FHOD3: variants seen among roughly 807,000 people sequenced by gnomAD.
FHOD3 encodes formin homology 2 domain containing 3, also known as FH1/FH2 domain-containing protein 3.
FHOD3 carries 90 observed loss-of-function variants against 173.0 expected under a neutral mutation model. That is an observed-to-expected ratio of 0.52 (90% CI 0.44 to 0.62). The LOEUF (loss-of-function observed/expected upper bound fraction) is 0.62. Ranked by LOEUF, FHOD3 falls within the 20% of genes least tolerant of loss-of-function variation. The probability of loss-of-function intolerance (pLI) is 0.00; values close to 1 mark genes in which losing one functional copy is unlikely to be tolerated. For synonymous variants in FHOD3, 828 were observed against 823.0 expected (o/e 1.01, Z -0.10); for missense variants, 1,945 against 2,034.7 (o/e 0.96, Z 0.85).
intron 9 of FHOD3, 54 bp downstream of exon 9, chr18:36,612,149 G>T: frequency 6.4e-7 from 1 of 1,574,608 alleles, no homozygotes; most frequent in Non-Finnish European, 8.6e-7. Flanking sequence ...ATTGTCAAAG[G>T]CTGAGATGGC....
chr18:36,532,982 G>A (rs1384077666), intron 5 of FHOD3, among the ~76,000 whole-genome samples: 1 of 152,208 alleles, frequency 6.6e-6, no homozygotes, highest in East Asian at 1.9e-4. Context: ...TGGGTGGCCT[G>A]CCTGCCTGGG....
intron 3 of FHOD3, among the ~76,000 whole-genome samples, chr18:36,451,358 G>A (rs185300187): frequency 2.0e-5 from 3 of 152,314 alleles, no homozygotes; most frequent in East Asian, 3.9e-4. Context: ...ATAGCCTTAC[G>A]AAGCCAGTAC....
intron 15 of FHOD3, among the ~76,000 whole-genome samples, chr18:36,681,818 C>T (rs1275055531): frequency 6.6e-6 from 1 of 152,110 alleles, no homozygotes; most frequent in Non-Finnish European, 1.5e-5. Context: ...CTTGGGCCCT[C>T]CATTACCTAC....
At chr18:36,730,619 C>G in intron 19 of FHOD3, 27 bp from the exon 20 acceptor site, 1 of 1,605,820 alleles carries the variant, frequency 6.2e-7, no homozygotes, top group Non-Finnish European at 8.5e-7. Context: ...ATGCATTAAT[C>G]TTGGATTCTC....
chr18:36,374,899 A>G (rs1399627661), intron 3 of FHOD3, among the ~76,000 whole-genome samples: 1 of 152,190 alleles, frequency 6.6e-6, no homozygotes, highest in East Asian at 1.9e-4. Flanking sequence ...AGCTTTTACC[A>G]TTAATTGCCT....
In FHOD3 at chr18:36,483,389, T is replaced by C. The variant is rs188292946; in HGVS notation, c.338-18543T>C. On this transcript the variant is annotated intron_variant, in intron 3 of 28. Transcript: ENST00000590592. ...CACTCAGCACAGCCAACCACTGTCC[T>C]GGAACCAAGGAGGGAAAGGAGAAGA... Among the ~76,000 whole-genome samples, 205 of 152,274 alleles carry C rather than the reference T, an allele frequency of 1.3e-3. 3 individuals carry two copies. The highest frequency in any genetic ancestry group is 0.01 in the Admixed American group (153 of 15,298).
intron 14 of FHOD3, among the ~76,000 whole-genome samples, chr18:36,673,655 C>T (rs2037673880): frequency 6.6e-6 from 1 of 152,132 alleles, no homozygotes; most frequent in Middle Eastern, 3.4e-3. Flanking sequence ...AGGGGTTCCT[C>T]GATCTGTCCT....
At chr18:36,474,683 G>A (rs1389388851) in intron 3 of FHOD3, among the ~76,000 whole-genome samples, 1 of 152,136 alleles carries the variant, frequency 6.6e-6, no homozygotes, top group African/African-American at 2.4e-5. Context: ...AACATGGGTG[G>A]CTAGGGTCTG....
At chr18:36,665,604 G>A (rs932965238) in intron 14 of FHOD3, among the ~76,000 whole-genome samples, 1 of 151,436 alleles carries the variant, frequency 6.6e-6, no homozygotes, top group Admixed American at 6.6e-5. Context: ...AGGTTAAGAG[G>A]GGGATAAGAA....
At chr18:36,552,106 A>G (rs907997395) in intron 5 of FHOD3, among the ~76,000 whole-genome samples, 1 of 152,176 alleles carries the variant, frequency 6.6e-6, no homozygotes, top group Admixed American at 6.5e-5. Context: ...CATTTTCACA[A>G]TATTGATTCT....
chr18:36,476,502 T>C (rs1437152804), intron 3 of FHOD3, among the ~76,000 whole-genome samples: 1 of 152,112 alleles, frequency 6.6e-6, no homozygotes, highest in African/African-American at 2.4e-5. Context: ...AGGCATCCCA[T>C]CACCCTAAGA....
intron 1 of FHOD3, among the ~76,000 whole-genome samples, chr18:36,328,087 C>T (rs1180807830): frequency 2.0e-5 from 3 of 152,146 alleles, no homozygotes; most frequent in African/African-American, 7.2e-5. Context: ...AAAGTTGCAC[C>T]CTCTACTAAT....
chr18:36,355,337 T>TA (rs933333533), intron 1 of FHOD3, among the ~76,000 whole-genome samples: 1 of 152,192 alleles, frequency 6.6e-6, no homozygotes, highest in East Asian at 1.9e-4. Flanking sequence ...GTCACTCTGT[T>TA]AAGAGATGCC....
chr18:36,742,647 C>T (rs1414763928), intron 21 of FHOD3, 90 bp from the exon 22 acceptor site: 5 of 1,377,518 alleles, frequency 3.6e-6, no homozygotes, highest in South Asian at 1.3e-5. Flanking sequence ...GGGAGAACAC[C>T]GTGTGTTATT....
At chr18:36,428,169 C>A (rs2147196083) in intron 3 of FHOD3, among the ~76,000 whole-genome samples, 1 of 152,176 alleles carries the variant, frequency 6.6e-6, no homozygotes, top group African/African-American at 2.4e-5. Context: ...GCCTCTAAGG[C>A]ATGTATTATG....
chr18:36,546,643 G>A (rs185057707), intron 5 of FHOD3, among the ~76,000 whole-genome samples: 16 of 152,246 alleles, frequency 1.1e-4, no homozygotes, highest in Non-Finnish European at 2.1e-4. Flanking sequence ...TTTGTCTGTC[G>A]CAAGATGAGG....
intron 3 of FHOD3, among the ~76,000 whole-genome samples, chr18:36,469,754 C>T (rs552046166): frequency 1.4e-5 from 2 of 147,072 alleles, no homozygotes; most frequent in South Asian, 2.3e-4. Context: ...GATTTAAGGG[C>T]GTTCAAAGTT....
chr18:36,421,897 A>C (rs1411869494), intron 3 of FHOD3, among the ~76,000 whole-genome samples: 1 of 152,192 alleles, frequency 6.6e-6, no homozygotes, highest in Non-Finnish European at 1.5e-5. Context: ...TAGCACCCCA[A>C]AGCCCTCTCT....
intron 17 of FHOD3, among the ~76,000 whole-genome samples, chr18:36,694,547 T>G (rs1419802976): frequency 1.3e-5 from 2 of 152,242 alleles, no homozygotes; most frequent in African/African-American, 2.4e-5. Context: ...GAAAAGAGAC[T>G]GTTCTATAAC....
Sources: allele counts gnomAD v4.1 joint callset (sites outside exome capture counted in the v4.1 genomes callset), GRCh38; gene constraint gnomAD v4.1.1; transcripts MANE v1.5; gene names NCBI Gene and HGNC (gene_info 2026-07-23, HGNC 2026-07-21).